ACTA2: variants seen among roughly 807,000 people sequenced by gnomAD.
ACTA2 encodes the protein actin alpha 2, smooth muscle.
In ACTA2, 12 loss-of-function variants were observed where a neutral mutation model predicts 39.5. The observed-to-expected ratio is 0.30, with a 90% CI of 0.19 to 0.49. ACTA2 has a LOEUF of 0.49. Among genes scored for constraint, ACTA2 ranks in the 20% least tolerant of loss-of-function variants. The pLI is 0.99. For missense variants in ACTA2, 236 were observed against 498.8 expected, an observed-to-expected ratio of 0.47 and a Z score of 5.02; for synonymous variants, 158 against 180.6, an observed-to-expected ratio of 0.88 and a Z score of 1.00.
chr10:88,976,642 A>G (rs11202916), intron 1 of ACTA2, among the ~76,000 whole-genome samples: 37,257 of 152,198 alleles, frequency 0.24, 5,666 homozygotes, highest in East Asian at 0.45. Context: ...CAATTCAATG[A>G]TATTGTGTTA....
chr10:88,982,494 T>C (rs1045926627), intron 1 of ACTA2, among the ~76,000 whole-genome samples: 4 of 152,032 alleles, frequency 2.6e-5, no homozygotes, highest in African/African-American at 7.2e-5. Flanking sequence ...AACTGTAAGA[T>C]ACATGTCCCA....
chr10:88,942,826 A>G (rs926468246), intron 4 of ACTA2, among the ~76,000 whole-genome samples: 4 of 152,022 alleles, frequency 2.6e-5, no homozygotes, highest in African/African-American at 9.7e-5. Flanking sequence ...AGTGATTCCC[A>G]GGCCCACAGA....
At chr10:88,939,472 C>A (rs755519566) in intron 7 of ACTA2, 35 bp downstream of exon 7, 36 of 1,610,576 alleles carry the variant, frequency 2.2e-5, no homozygotes, top group Admixed American at 3.3e-5. Context: ...AAGACAATGA[C>A]TCCCCTTCCC....
chr10:88,953,548 G>T (rs1411499180), upstream of ACTA2, among the ~76,000 whole-genome samples: 1 of 152,182 alleles, frequency 6.6e-6, no homozygotes, highest in Admixed American at 6.5e-5. Flanking sequence ...AAAGAAAGGA[G>T]ATTGTTCAAA....
At chr10:88,939,993 T>G (rs1845818385) in intron 6 of ACTA2, 2 of 435,630 alleles carry the variant, frequency 4.6e-6, no homozygotes, top group African/African-American at 4.0e-5. Flanking sequence ...GCGGATCCTT[T>G]TGTACCATAA....
Position 88,935,217 on chromosome 10 carries a change from A to G in ACTA2, c.*6T>C. ...TGCTAGAGACAGAGAGGAGCAGGAA[A>G]GTGTTTTAGAAGCATTTGCGGTGGA... On this transcript the variant is annotated 3_prime_UTR_variant, in exon 9 of 9. Transcript: ENST00000224784. 6.2e-7 allele frequency: 1 copy of G among 1,612,816 alleles called. No homozygotes were observed. Among genetic ancestry groups the G allele is most frequent in the Non-Finnish European group, 8.5e-7 (1 of 1,179,698 alleles).
At chr10:88,938,832 G>A (rs1845795865) in intron 7 of ACTA2, among the ~76,000 whole-genome samples, 1 of 149,472 alleles carries the variant, frequency 6.7e-6, no homozygotes, top group South Asian at 2.1e-4. Flanking sequence ...GTGCTGTGAT[G>A]TAATGATAAC....
intron 1 of ACTA2, chr10:88,974,715 T>G (rs536912100): frequency 6.6e-6 from 1 of 152,314 alleles, no homozygotes; most frequent in Non-Finnish European, 1.5e-5. Context: ...GACTTTGGCA[T>G]AGTTCACTTA....
Position 88,989,560 on chromosome 10 carries a change from C to G in ACTA2, c.-24+1379G>C, listed in dbSNP as rs746195443. The G allele has an allele frequency of 5.5e-6, 3 of 542,028 alleles. No individual in the cohort carries two copies. The East Asian group carries it at 1.3e-4, about 23-fold the overall frequency. 33.6% of individuals were successfully genotyped at this position (542,028 alleles called of 1,614,324 possible). ...AAAGGTGGAACAGAGACAAGCCTAT[C>G]AACACCTACAAGACTGGTGGTAAGT... is the stretch of plus-strand genomic sequence containing the variant. On this transcript the variant is annotated intron_variant, in intron 1 of 4. Transcript: ENST00000415557.
intron 1 of ACTA2, chr10:88,973,443 C>A: frequency 9.3e-7 from 1 of 1,071,116 alleles, no homozygotes; most frequent in Non-Finnish European, 1.2e-6. Context: ...CTCTGCCTTT[C>A]CTTTCTAAAG....
intron 1 of ACTA2, among the ~76,000 whole-genome samples, chr10:88,952,239 C>G (rs1315051834): frequency 6.6e-6 from 1 of 152,206 alleles, no homozygotes; most frequent in Non-Finnish European, 1.5e-5. Flanking sequence ...CAAATTCAGG[C>G]ACAATCAAAG....
intron 3 of ACTA2, chr10:88,946,969 C>T (rs886898870): frequency 6.2e-5 from 16 of 258,042 alleles, no homozygotes; most frequent in Non-Finnish European, 1.2e-4. Context: ...TCAATTCCCA[C>T]CTATGAGTGA....
intron 1 of ACTA2, among the ~76,000 whole-genome samples, chr10:88,984,444 T>G (rs888050978): frequency 6.6e-6 from 1 of 152,200 alleles, no homozygotes; most frequent in Admixed American, 6.5e-5. Context: ...TAAATGATAG[T>G]AGCACACTAG....
At chr10:88,967,220 T>C (rs1846334532) in intron 1 of ACTA2, among the ~76,000 whole-genome samples, 1 of 152,186 alleles carries the variant, frequency 6.6e-6, no homozygotes, top group Non-Finnish European at 1.5e-5. Context: ...TCCCAGTTCT[T>C]TAAACCTGAT....
chr10:88,963,346 A>G (rs966680822), intron 1 of ACTA2, among the ~76,000 whole-genome samples: 3 of 152,024 alleles, frequency 2.0e-5, no homozygotes, highest in African/African-American at 7.2e-5. Flanking sequence ...TTTAATGCCT[A>G]CCATGTCCCC....
At chr10:88,941,086 A>T in intron 6 of ACTA2, 143 bp downstream of exon 6, 1 of 1,009,296 alleles carries the variant, frequency 9.9e-7, no homozygotes, top group Non-Finnish European at 1.5e-6. Flanking sequence ...GCAAAGAAAG[A>T]TGTGCTTTGC....
At chr10:88,984,328 T>C (rs1284020868) in intron 1 of ACTA2, among the ~76,000 whole-genome samples, 2 of 152,094 alleles carry the variant, frequency 1.3e-5, no homozygotes, top group Non-Finnish European at 2.9e-5. Flanking sequence ...GAGGTGTTGA[T>C]CTTATGGTCC....
chr10:88,960,697 T>C (rs1038280279), intron 1 of ACTA2, among the ~76,000 whole-genome samples: 26 of 123,524 alleles, frequency 2.1e-4, no homozygotes, highest in African/African-American at 6.9e-4. Flanking sequence ...TACAGGACAC[T>C]TTAGAGCTAC....
intron 5 of ACTA2, 79 bp downstream of exon 5, chr10:88,941,706 C>G: frequency 7.7e-7 from 1 of 1,295,508 alleles, no homozygotes; most frequent in Non-Finnish European, 1.1e-6. Context: ...CAGTCCGTCA[C>G]CCCCACGTGT....
Sources: gnomAD v4.1 joint callset for allele counts (sites outside exome capture counted in the v4.1 genomes callset) on GRCh38, gnomAD v4.1.1 for gene constraint, MANE v1.5 for transcripts, NCBI Gene and HGNC (gene_info 2026-07-23, HGNC 2026-07-21) for gene names.